Variants in AKAP6 observed in about 807,000 individuals in gnomAD.
AKAP6 encodes A-kinase anchoring protein 6, also known as A-kinase anchor protein 6.
A neutral mutation model predicts 188.5 loss-of-function variants in AKAP6; 58 were observed. The observed-to-expected ratio is 0.31, with a 90% CI of 0.25 to 0.38. AKAP6 has a LOEUF of 0.38. Among genes scored for constraint, AKAP6 ranks in the 10% least tolerant of loss-of-function variants. AKAP6 has a pLI of 1.00. For missense variants in AKAP6, 2,710 were observed against 2,740.0 expected (o/e 0.99, Z 0.24); for synonymous variants, 989 against 998.6 (o/e 0.99, Z 0.18).
At chr14:32,819,949 A>G (rs2034477939) in intron 12 of AKAP6, among the ~76,000 whole-genome samples, 2 of 152,032 alleles carry the variant, frequency 1.3e-5, no homozygotes, top group Non-Finnish European at 1.5e-5. Context: ...CTGTGTCAAA[A>G]AAAGAAATAC....
At chr14:32,713,428 T>A (rs1473149994) in intron 9 of AKAP6, among the ~76,000 whole-genome samples, 1 of 151,236 alleles carries the variant, frequency 6.6e-6, no homozygotes, top group African/African-American at 2.4e-5. Flanking sequence ...AGGCATTGAC[T>A]TCTCCTCTCT....
chr14:32,605,980 A>G (rs1886111125), intron 7 of AKAP6, among the ~76,000 whole-genome samples: 1 of 152,172 alleles, frequency 6.6e-6, no homozygotes, highest in Non-Finnish European at 1.5e-5. Flanking sequence ...GAAATCTTGT[A>G]AAGAAGGAGG....
In AKAP6 at chr14:32,567,683, C is replaced by G. The variant is rs533630501; in HGVS notation, c.2347-9437C>G. Among the ~76,000 whole-genome samples the G allele has an allele frequency of 1.1e-4, 17 of 152,286 alleles. No homozygotes were observed. The South Asian group carries it at 1.2e-3, about 11-fold the overall frequency. Reference sequence around the variant, plus strand: ...CTTAGTATTCTGCAAATACTCCCATCAAGCCACACTCACTCTTGTTCCAGA... The same window carrying G: ...CTTAGTATTCTGCAAATACTCCCATGAAGCCACACTCACTCTTGTTCCAGA... On this transcript the variant is annotated intron_variant, in intron 4 of 13. Transcript: ENST00000280979.
At chr14:32,415,080 A>G (rs1463499240) in intron 1 of AKAP6, among the ~76,000 whole-genome samples, 1 of 152,220 alleles carries the variant, frequency 6.6e-6, no homozygotes, top group Non-Finnish European at 1.5e-5. Context: ...GGCAATACTG[A>G]TGGAAAAGAA....
At chr14:32,650,338 C>A (rs965405141) in intron 7 of AKAP6, among the ~76,000 whole-genome samples, 6 of 152,144 alleles carry the variant, frequency 3.9e-5, no homozygotes, top group African/African-American at 1.4e-4. Flanking sequence ...TACAGCCGGG[C>A]GCAGTGTCTC....
chr14:32,565,886 C>T (rs1390073609), intron 4 of AKAP6, among the ~76,000 whole-genome samples: 1 of 152,196 alleles, frequency 6.6e-6, no homozygotes, highest in African/African-American at 2.4e-5. Flanking sequence ...TTAGTCCCCT[C>T]TATTCTTTTT....
chr14:32,446,861 C>T (rs1890771572), intron 2 of AKAP6, among the ~76,000 whole-genome samples: 1 of 152,052 alleles, frequency 6.6e-6, no homozygotes, highest in Non-Finnish European at 1.5e-5. Flanking sequence ...ATGGTTTCTA[C>T]TTTTATTTTA....
intron 2 of AKAP6, among the ~76,000 whole-genome samples, chr14:32,501,875 C>T (rs990631391): frequency 2.0e-5 from 3 of 152,130 alleles, no homozygotes; most frequent in Non-Finnish European, 2.9e-5. Flanking sequence ...CATTGGCTCT[C>T]CTAGGCTGTA....
chr14:32,618,229 C>T (rs1315961578), intron 7 of AKAP6, among the ~76,000 whole-genome samples: 5 of 152,048 alleles, frequency 3.3e-5, no homozygotes, highest in Admixed American at 2.0e-4. Context: ...GGGATACCAG[C>T]GGTTTTTGTT....
chr14:32,572,320 C>A (rs1218988048), intron 4 of AKAP6, among the ~76,000 whole-genome samples: 2 of 152,194 alleles, frequency 1.3e-5, no homozygotes, highest in African/African-American at 4.8e-5. Context: ...TTCCCATTTC[C>A]TCTTGTAGAG....
At chr14:32,540,135 T>TCC (rs1882860500) in intron 3 of AKAP6, among the ~76,000 whole-genome samples, 6 of 69,398 alleles carry the variant, frequency 8.6e-5, no homozygotes, top group African/African-American at 4.5e-4. Flanking sequence ...TCGTGCGCTC[T>TCC]CTCTCTCTCT....
At chr14:32,438,668 T>G (rs1447895780) in intron 2 of AKAP6, 1 of 152,224 alleles carries the variant, frequency 6.6e-6, no homozygotes, top group Non-Finnish European at 1.5e-5. Flanking sequence ...ATATTTTGCT[T>G]CTTAGCTTCC....
At chr14:32,460,547 A>G (rs1271382875) in intron 2 of AKAP6, among the ~76,000 whole-genome samples, 1 of 152,202 alleles carries the variant, frequency 6.6e-6, no homozygotes, top group Non-Finnish European at 1.5e-5. Context: ...TCCAGTTACT[A>G]TGCTTTTCCC....
At chr14:32,809,823 C>T (rs922154763) in intron 12 of AKAP6, among the ~76,000 whole-genome samples, 1 of 152,124 alleles carries the variant, frequency 6.6e-6, no homozygotes, top group African/African-American at 2.4e-5. Flanking sequence ...GCTCAGTAAT[C>T]GCAGCCATGA....
intron 11 of AKAP6, among the ~76,000 whole-genome samples, chr14:32,754,184 GTGT>G (rs2032247915): frequency 6.6e-6 from 1 of 151,962 alleles, no homozygotes; most frequent in African/African-American, 2.4e-5. Context: ...AGGTGCTCTG[GTGT>G]TGGGTGCATA....
At chr14:32,619,836 T>C (rs1276141029) in intron 7 of AKAP6, among the ~76,000 whole-genome samples, 2 of 152,242 alleles carry the variant, frequency 1.3e-5, no homozygotes, top group Non-Finnish European at 2.9e-5. Context: ...TTGTGTCATC[T>C]ATGATTTCTT....
intron 7 of AKAP6, among the ~76,000 whole-genome samples, chr14:32,650,294 T>A (rs774202614): frequency 1.6e-4 from 24 of 152,166 alleles, no homozygotes; most frequent in Non-Finnish European, 3.2e-4. Context: ...CTTTCAGACA[T>A]ACCAGTGCGG....
chr14:32,644,030 T>C (rs1237525551), intron 7 of AKAP6, among the ~76,000 whole-genome samples: 2 of 152,202 alleles, frequency 1.3e-5, no homozygotes, highest in African/African-American at 4.8e-5. Context: ...TGTGTGTACA[T>C]TTAGAGAGCA....
rs1165919116 is a variant in AKAP6 at position 32,600,752 on chromosome 14, A to T, written c.2690A>T (p.Asp897Val). Reference sequence around the variant, plus strand: ...ATCAAAGCCGAGATACTGGCTACTGATGTGTCTGTGGAGGATGAGGAAGGG... The same window carrying T: ...ATCAAAGCCGAGATACTGGCTACTGTTGTGTCTGTGGAGGATGAGGAAGGG... Reference protein sequence around the residue: ...DTIKAEILATDVSVEDEEGTG... With the variant: ...DTIKAEILATVVSVEDEEGTG... The change falls in exon 7 of 14, where the codon GAT becomes GTT. Residue 897 changes from aspartate (D) to valine (V), a missense_variant. Coordinates refer to ENST00000280979, the MANE Select transcript of AKAP6 (RefSeq NM_004274.5). The T allele has an allele frequency of 6.2e-7, 1 of 1,613,014 alleles. No homozygotes were observed. Among genetic ancestry groups the T allele is most frequent in the Non-Finnish European group, 8.5e-7 (1 of 1,179,584 alleles).
Sources: allele counts gnomAD v4.1 joint callset (sites outside exome capture counted in the v4.1 genomes callset), GRCh38; gene constraint gnomAD v4.1.1; transcripts MANE v1.5; gene names NCBI Gene and HGNC (gene_info 2026-07-23, HGNC 2026-07-21).